The following CPA6 variants were observed in gnomAD, a reference collection of about 807,000 sequenced individuals.
The protein encoded by CPA6 is carboxypeptidase A6, also known as carboxypeptidase B.
Under a neutral mutation model 63.3 loss-of-function variants are expected in CPA6, and 58 were observed. The observed-to-expected ratio is 0.92, with a 90% CI of 0.74 to 1.14. The LOEUF is 1.14. Ranked by LOEUF, CPA6 falls within the 50% of genes most tolerant of loss-of-function variation. CPA6 has a pLI of 0.00. For missense variants in CPA6, 565 were observed against 526.6 expected, an observed-to-expected ratio of 1.07 and a Z score of -0.71; for synonymous variants, 185 against 179.0, an observed-to-expected ratio of 1.03 and a Z score of -0.27.
chr8:67,592,916 C>T (rs1239652697), intron 2 of CPA6, among the ~76,000 whole-genome samples: 2 of 151,596 alleles, frequency 1.3e-5, no homozygotes, highest in African/African-American at 4.9e-5. Flanking sequence ...TTATTTCTTG[C>T]CTTCTGCTAG....
chr8:67,427,705 T>G (rs866374151), intron 10 of CPA6, among the ~76,000 whole-genome samples: 1 of 152,292 alleles, frequency 6.6e-6, no homozygotes, highest in South Asian at 2.1e-4. Flanking sequence ...AACATTTACC[T>G]CATTATCTTC....
At chr8:67,696,844 C>T (rs1816921810) in intron 1 of CPA6, among the ~76,000 whole-genome samples, 1 of 152,100 alleles carries the variant, frequency 6.6e-6, no homozygotes, top group Non-Finnish European at 1.5e-5. Context: ...GAAGGATAGA[C>T]CAGGGGATTG....
At position 67,517,949 on chromosome 8, in the gene CPA6, G is replaced by A; in HGVS notation, c.291C>T (p.Phe97=). ...TGTACTGGATGTTGGCTTCCTGTAA[G>A]AAGGCTAACAGGGCTCGGGAACCAT... is the stretch of plus-strand genomic sequence containing the variant. ...PQNGSRALLA[F]LQEANIQYKV... Residue 97 remains phenylalanine (F), a synonymous_variant, in exon 3 of 11, where the codon TTC becomes TTT. Coordinates refer to ENST00000297770, the MANE Select transcript of CPA6 (RefSeq NM_020361.5). 2.5e-6 allele frequency: 4 copies of A among 1,612,284 alleles called. No homozygotes were observed. The highest frequency in any genetic ancestry group is 1.1e-5 in the South Asian group (1 of 90,648).
intron 1 of CPA6, among the ~76,000 whole-genome samples, chr8:67,650,514 CA>C (rs932103940): frequency 1.3e-5 from 2 of 152,108 alleles, no homozygotes; most frequent in Non-Finnish European, 2.9e-5. Context: ...CTACTAAAAG[CA>C]AAAGCCTTGA....
chr8:67,447,414 CA>C (rs1810450392), intron 8 of CPA6, among the ~76,000 whole-genome samples: 2 of 151,724 alleles, frequency 1.3e-5, no homozygotes, highest in Admixed American at 6.6e-5. Flanking sequence ...CAATAAGCAT[CA>C]AAGTATATGT....
At chr8:67,632,242 C>T (rs1013907024) in intron 1 of CPA6, among the ~76,000 whole-genome samples, 1 of 152,002 alleles carries the variant, frequency 6.6e-6, no homozygotes, top group Non-Finnish European at 1.5e-5. Flanking sequence ...ATGATCACAG[C>T]TCACTGTAAC....
chr8:67,712,230 G>C (rs1240209156), intron 1 of CPA6, among the ~76,000 whole-genome samples: 3 of 152,100 alleles, frequency 2.0e-5, no homozygotes, highest in Non-Finnish European at 4.4e-5. Flanking sequence ...AGTGTATCGG[G>C]ACCACTGGAG....
intron 1 of CPA6, among the ~76,000 whole-genome samples, chr8:67,692,691 C>T (rs962094182): frequency 2.0e-5 from 3 of 152,164 alleles, no homozygotes; most frequent in African/African-American, 4.8e-5. Flanking sequence ...TGCCCTTTAA[C>T]TGCTGGGTTT....
chr8:67,552,632 A>G (rs1212848039), intron 2 of CPA6, among the ~76,000 whole-genome samples: 1 of 151,830 alleles, frequency 6.6e-6, no homozygotes, highest in Non-Finnish European at 1.5e-5. Context: ...AATTAGCTGG[A>G]CGTGGTGGCA....
chr8:67,546,503 A>G (rs971857864), intron 2 of CPA6, among the ~76,000 whole-genome samples: 7 of 152,186 alleles, frequency 4.6e-5, no homozygotes, highest in Non-Finnish European at 8.8e-5. Context: ...TAGTCTTTGT[A>G]GACATCTTTA....
At chr8:67,557,677 C>G (rs1447388441) in intron 2 of CPA6, among the ~76,000 whole-genome samples, 1 of 152,190 alleles carries the variant, frequency 6.6e-6, no homozygotes, top group Non-Finnish European at 1.5e-5. Flanking sequence ...GTGCCCCCCT[C>G]AGAGGTCTGA....
chr8:67,598,785 T>A (rs1263126415), intron 2 of CPA6, among the ~76,000 whole-genome samples: 2 of 152,176 alleles, frequency 1.3e-5, no homozygotes, highest in African/African-American at 4.8e-5. Flanking sequence ...TTTCTCTAGA[T>A]AATGAGCTAA....
chr8:67,577,414 T>C (rs1813654866), intron 2 of CPA6, among the ~76,000 whole-genome samples: 1 of 152,086 alleles, frequency 6.6e-6, no homozygotes, highest in African/African-American at 2.4e-5. Flanking sequence ...TAAATTCATC[T>C]CCCCATCTGG....
At chr8:67,464,981 T>C (rs1238321323) in intron 8 of CPA6, among the ~76,000 whole-genome samples, 1 of 152,242 alleles carries the variant, frequency 6.6e-6, no homozygotes, top group Non-Finnish European at 1.5e-5. Flanking sequence ...AGGATTGCTG[T>C]GGCTAATCAG....
chr8:67,422,790 CT>C, intron 10 of CPA6, 99 bp from the exon 11 acceptor site: 1 of 851,098 alleles, frequency 1.2e-6, no homozygotes, highest in Non-Finnish European at 1.8e-6. Flanking sequence ...TTAAGCTTTA[CT>C]AAATCCTTCC....
chr8:67,546,711 G>A (rs1163883425), intron 2 of CPA6, among the ~76,000 whole-genome samples: 1 of 152,188 alleles, frequency 6.6e-6, no homozygotes, highest in Non-Finnish European at 1.5e-5. Flanking sequence ...TTAGAGATGG[G>A]TGTCTCTCTG....
Position 67,588,264 on chromosome 8 carries a change from A to G in CPA6, c.192+35912T>C, listed in dbSNP as rs1814001092. 2.0e-5 allele frequency among the ~76,000 whole-genome samples: 3 copies of G among 152,200 alleles called. No homozygotes were observed. The South Asian group carries it at 6.2e-4, about 32-fold the overall frequency. On this transcript the variant is annotated intron_variant, in intron 2 of 10. Coordinates refer to ENST00000297770, the MANE Select transcript of CPA6 (RefSeq NM_020361.5). Reference sequence around the variant, plus strand: ...TGTTTTAGTACAAGGTGAATTAGTCACTGTTGAATGGAAGTCAGTCGGTTA... The same window carrying G: ...TGTTTTAGTACAAGGTGAATTAGTCGCTGTTGAATGGAAGTCAGTCGGTTA...
At chr8:67,491,773 A>G (rs1404676350) in intron 6 of CPA6, among the ~76,000 whole-genome samples, 1 of 152,200 alleles carries the variant, frequency 6.6e-6, no homozygotes, top group Admixed American at 6.5e-5. Context: ...CAAATTTGTT[A>G]CTGCACTTTA....
At position 67,694,496 on chromosome 8, in the gene CPA6, A is replaced by G. The variant is rs115426433; in HGVS notation, c.116+51518T>C. Among the ~76,000 whole-genome samples, 442 of 152,330 alleles carry G rather than the reference A, an allele frequency of 2.9e-3. 3 individuals carry two copies. The highest frequency in any genetic ancestry group is 8.6e-3 in the African/African-American group (356 of 41,578). ...CCAAGCCGTAAAGTTTAGTGTGCGC[A>G]GCCAACCCTCCATCATCAAATGGAA... On this transcript the variant is annotated intron_variant, in intron 1 of 10. Coordinates refer to ENST00000297770, the MANE Select transcript of CPA6 (RefSeq NM_020361.5).
Sources: gnomAD v4.1 joint callset for allele counts (sites outside exome capture counted in the v4.1 genomes callset) on GRCh38, gnomAD v4.1.1 for gene constraint, MANE v1.5 for transcripts, NCBI Gene and HGNC (gene_info 2026-07-23, HGNC 2026-07-21) for gene names.